Variants in UNC79 observed in about 807,000 individuals in gnomAD.
UNC79 encodes unc-79 subunit of NALCN channel complex, also known as protein unc-79 homolog.
A neutral mutation model predicts 283.1 loss-of-function variants in UNC79; 37 were observed. The ratio of observed to expected loss-of-function variants is 0.13; its 90% CI spans 0.10 to 0.17. The LOEUF (loss-of-function observed/expected upper bound fraction) is 0.17. UNC79 is among the 10% of genes least tolerant of loss of function. The pLI is 1.00. For synonymous variants in UNC79, 1,107 were observed against 1,200.2 expected (o/e 0.92, Z 1.61); for missense variants, 2,272 against 3,211.1 (o/e 0.71, Z 7.07).
rs1383583266 is a variant in UNC79, at chr14:93,397,761, A to T, written c.-351+64238A>T. Among the ~76,000 whole-genome samples, 165 of 139,212 alleles carry T rather than the reference A, an allele frequency of 1.2e-3. 4 individuals are homozygous for T. The South Asian group carries it at 0.034, about 29-fold the overall frequency. 91.3% of individuals were successfully genotyped at this position (139,212 alleles called of 152,430 possible). A position where few individuals can be genotyped will look rare whatever the true frequency, so the allele number is the denominator to read the frequency against. On this transcript the variant is annotated intron_variant, in intron 1 of 49. Transcript: ENST00000256339. ...CATCCTTAGAACAATGGTTGGAGTC[A>T]TTTTTTTTTTTTTTTGGCCAGGTAT...
intron 1 of UNC79, among the ~76,000 whole-genome samples, chr14:93,386,149 T>A (rs1365681491): frequency 6.6e-6 from 1 of 152,212 alleles, no homozygotes; most frequent in South Asian, 2.1e-4. Flanking sequence ...ATGTTCCTTC[T>A]ATACCCAGTT....
At chr14:93,673,299 C>T (rs2073050226) in intron 40 of UNC79, 52 bp from the exon 44 acceptor site, 10 of 1,539,874 alleles carry the variant, frequency 6.5e-6, no homozygotes, top group Non-Finnish European at 8.9e-6. Context: ...CATGGATATA[C>T]TCTAATTGAA....
At chr14:93,558,593 A>ATTTTT (rs71129647) in intron 14 of UNC79, among the ~76,000 whole-genome samples, 51 of 62,776 alleles carry the variant, frequency 8.1e-4, no homozygotes, top group African/African-American at 1.1e-3. Context: ...AGAAACAGGG[A>ATTTTT]TTTTTTTTTT....
intron 35 of UNC79, among the ~76,000 whole-genome samples, chr14:93,651,192 A>G (rs2070212049): frequency 6.6e-6 from 1 of 152,178 alleles, no homozygotes; most frequent in Non-Finnish European, 1.5e-5. Context: ...CTTCATAGTA[A>G]GTAGTAAGTG....
At chr14:93,612,737 T>C (rs761439852) in intron 26 of UNC79, 60 bp from the exon 28 acceptor site, 7 of 1,570,314 alleles carry the variant, frequency 4.5e-6, no homozygotes, top group Non-Finnish European at 6.0e-6. Context: ...CTAAGAGAGA[T>C]TTTAGTGTCA....
At chr14:93,503,011 G>A (rs908991952) in intron 7 of UNC79, among the ~76,000 whole-genome samples, 27 of 152,106 alleles carry the variant, frequency 1.8e-4, no homozygotes, top group African/African-American at 5.1e-4. Flanking sequence ...TTTTTTACCT[G>A]TGCCTTGTGT....
intron 31 of UNC79, among the ~76,000 whole-genome samples, chr14:93,631,118 A>G (rs1158089529): frequency 6.6e-6 from 1 of 152,176 alleles, no homozygotes; most frequent in Non-Finnish European, 1.5e-5. Context: ...ATAAATCACT[A>G]TGGTTACTGA....
intron 2 of UNC79, among the ~76,000 whole-genome samples, chr14:93,468,849 G>A (rs1326152937): frequency 2.6e-5 from 4 of 152,122 alleles, no homozygotes; most frequent in Non-Finnish European, 4.4e-5. Flanking sequence ...TTTCATACTT[G>A]CACGGTAAGG....
At chr14:93,498,314 C>T (rs541764134) in intron 7 of UNC79, among the ~76,000 whole-genome samples, 16 of 151,652 alleles carry the variant, frequency 1.1e-4, no homozygotes, top group Non-Finnish European at 1.5e-4. Flanking sequence ...ATAGGTCAGG[C>T]GTGGTGGCTC....
At chr14:93,552,947 G>A (rs1362971538) in intron 14 of UNC79, among the ~76,000 whole-genome samples, 1 of 152,172 alleles carries the variant, frequency 6.6e-6, no homozygotes. Flanking sequence ...TATGAGGGCA[G>A]TTTTTCCAAT....
intron 1 of UNC79, among the ~76,000 whole-genome samples, chr14:93,339,332 C>T (rs914528959): frequency 1.3e-5 from 2 of 152,040 alleles, no homozygotes; most frequent in African/African-American, 4.8e-5. Context: ...CAGAGTCTCA[C>T]TGTGTTGCCC....
chr14:93,352,082 G>A (rs2139915337), intron 1 of UNC79, among the ~76,000 whole-genome samples: 1 of 152,274 alleles, frequency 6.6e-6, no homozygotes, highest in East Asian at 1.9e-4. Flanking sequence ...GCATGAAAAA[G>A]GTTGGTGATA....
At chr14:93,393,953 C>A (rs1341558799) in intron 1 of UNC79, among the ~76,000 whole-genome samples, 1 of 151,968 alleles carries the variant, frequency 6.6e-6, no homozygotes, top group Non-Finnish European at 1.5e-5. Context: ...TTCTACCTCC[C>A]ATTCAAACTC....
At chr14:93,494,336 T>C (rs949913570) in intron 5 of UNC79, among the ~76,000 whole-genome samples, 3 of 152,146 alleles carry the variant, frequency 2.0e-5, no homozygotes, top group Non-Finnish European at 4.4e-5. Context: ...ACACTGGGGA[T>C]TACAACTGAA....
chr14:93,490,731 T>A (rs745911507), intron 5 of UNC79, among the ~76,000 whole-genome samples: 1 of 152,216 alleles, frequency 6.6e-6, no homozygotes, highest in Non-Finnish European at 1.5e-5. Context: ...AGATTGAAGC[T>A]TTTTCTACTG....
chr14:93,447,861 A>G (rs547942474), intron 1 of UNC79, among the ~76,000 whole-genome samples: 17 of 151,996 alleles, frequency 1.1e-4, no homozygotes, highest in African/African-American at 3.9e-4. Context: ...CTTGTCATAT[A>G]TCCATAAAAT....
At position 93,381,306 on chromosome 14, in the gene UNC79, G is replaced by T. The variant is rs532526007; in HGVS notation, c.-351+47783G>T. Among the ~76,000 whole-genome samples the T allele has an allele frequency of 2.6e-5, 4 of 152,332 alleles. No homozygotes were observed. In the East Asian group the frequency reaches 7.7e-4, roughly 29 times the overall value. ...GGATTATCTGATGACGGATGTTGGG[G>T]TTGTGACTCCCCCCAGAAGGAGTGT... On this transcript the variant is annotated intron_variant, in intron 1 of 49. Coordinates refer to the UNC79 transcript ENST00000256339.
chr14:93,693,729 T>C (rs1190744102), intron 46 of UNC79, among the ~76,000 whole-genome samples: 2 of 152,184 alleles, frequency 1.3e-5, no homozygotes, highest in Non-Finnish European at 2.9e-5. Context: ...AGGATCAAGA[T>C]ATTACTGGGG....
chr14:93,519,459 A>C (rs772913120), intron 7 of UNC79, among the ~76,000 whole-genome samples: 1 of 151,832 alleles, frequency 6.6e-6, no homozygotes, highest in Non-Finnish European at 1.5e-5. Context: ...AAAAACTCAA[A>C]TCCTATTTCA....
Sources: allele counts gnomAD v4.1 joint callset (sites outside exome capture counted in the v4.1 genomes callset), GRCh38; gene constraint gnomAD v4.1.1; transcripts MANE v1.5; gene names NCBI Gene and HGNC (gene_info 2026-07-23, HGNC 2026-07-21).